The following LTBP1 variants were observed in gnomAD, a reference collection of about 807,000 sequenced individuals.
LTBP1 encodes latent-transforming growth factor beta-binding protein 1.
Under a neutral mutation model 207.6 loss-of-function variants are expected in LTBP1, and 129 were observed. That is an observed-to-expected ratio of 0.62 (90% CI 0.54 to 0.72). LTBP1 has a LOEUF of 0.72. LTBP1 is among the 30% of genes least tolerant of loss of function. The pLI is 0.00. For synonymous variants in LTBP1, 963 were observed against 833.7 expected (o/e 1.16, Z -2.67); for missense variants, 2,281 against 2,217.2 (o/e 1.03, Z -0.58).
chr2:33,347,960 A>T (rs186547017), intron 26 of LTBP1, among the ~76,000 whole-genome samples: 1 of 152,336 alleles, frequency 6.6e-6, no homozygotes, highest in Non-Finnish European at 1.5e-5. Flanking sequence ...TCCACTTGGA[A>T]TTCTTAAGGT....
chr2:32,981,769 C>A (rs1682796475), intron 2 of LTBP1, among the ~76,000 whole-genome samples: 1 of 152,068 alleles, frequency 6.6e-6, no homozygotes, highest in South Asian at 2.1e-4. Context: ...GAAAAAGTCT[C>A]ACAAGATCTG....
intron 2 of LTBP1, among the ~76,000 whole-genome samples, chr2:33,012,645 G>A (rs571303670): frequency 5.6e-4 from 86 of 152,246 alleles, no homozygotes; most frequent in African/African-American, 2.0e-3. Context: ...TCTTTTGTCT[G>A]CAGTTCTTGG....
At chr2:32,992,237 C>T (rs1684528457) in intron 2 of LTBP1, among the ~76,000 whole-genome samples, 1 of 152,138 alleles carries the variant, frequency 6.6e-6, no homozygotes, top group Non-Finnish European at 1.5e-5. Context: ...GAAAAGCACA[C>T]AGATTGATAC....
At chr2:33,253,881 C>CTTT (rs61042956) in intron 11 of LTBP1, among the ~76,000 whole-genome samples, 11 of 101,680 alleles carry the variant, frequency 1.1e-4, no homozygotes, top group Middle Eastern at 5.7e-3. Context: ...ATCTGATGCA[C>CTTT]TTTTTTTTTT....
chr2:33,357,516 C>A (rs570721686), intron 26 of LTBP1, among the ~76,000 whole-genome samples: 1 of 152,122 alleles, frequency 6.6e-6, no homozygotes, highest in Non-Finnish European at 1.5e-5. Flanking sequence ...GTTTTCTCTT[C>A]CGGGAAGTGA....
chr2:33,111,629 C>T (rs987209568), intron 4 of LTBP1, among the ~76,000 whole-genome samples: 1 of 152,180 alleles, frequency 6.6e-6, no homozygotes, highest in African/African-American at 2.4e-5. Context: ...GTTCCCTACA[C>T]CCACTCCACC....
intron 26 of LTBP1, among the ~76,000 whole-genome samples, chr2:33,354,676 AAAAC>A (rs2094831269): frequency 2.2e-5 from 3 of 136,862 alleles, no homozygotes; most frequent in Middle Eastern, 3.6e-3. Context: ...GTGACAAACT[AAAAC>A]TATACACACA....
intron 2 of LTBP1, among the ~76,000 whole-genome samples, chr2:33,018,570 T>C (rs896838612): frequency 2.0e-5 from 3 of 152,210 alleles, no homozygotes; most frequent in African/African-American, 7.2e-5. Context: ...TTCCCATTCC[T>C]GTGACATTCC....
chr2:32,986,548 AG>A (rs1683606850), intron 2 of LTBP1, among the ~76,000 whole-genome samples: 1 of 152,344 alleles, frequency 6.6e-6, no homozygotes, highest in Admixed American at 6.5e-5. Context: ...TCAGTGCACA[AG>A]GAAGATGTGG....
Position 33,364,315 on chromosome 2 carries a change from A to G in LTBP1, c.4499A>G (p.Asp1500Gly). The G allele has an allele frequency of 6.2e-7, 1 of 1,614,058 alleles. No individual in the cohort carries two copies. The highest frequency in any genetic ancestry group is 1.1e-5 in the South Asian group (1 of 91,062). Residue 1500 changes from aspartate (D) to glycine (G), a missense_variant, in exon 30 of 34, where the codon GAT (aspartate) becomes GGT (glycine). Coordinates refer to ENST00000404816, the MANE Select transcript of LTBP1 (RefSeq NM_206943.4). ...TTCTGTACTCACCCCATGGTCCTGG[A>G]TGCGTCAGAAAAAAGATGTATACGA... ...NCFCTHPMVLDASEKRCIRPA... is the reference protein window; with the variant it reads ...NCFCTHPMVLGASEKRCIRPA...
At chr2:33,327,306 C>G (rs888465343) in intron 24 of LTBP1, among the ~76,000 whole-genome samples, 1 of 152,162 alleles carries the variant, frequency 6.6e-6, no homozygotes, top group African/African-American at 2.4e-5. Context: ...AATTCCAAAG[C>G]CTGATGTCTT....
At chr2:32,953,996 G>T (rs1677631110) in intron 2 of LTBP1, among the ~76,000 whole-genome samples, 2 of 152,134 alleles carry the variant, frequency 1.3e-5, no homozygotes, top group African/African-American at 2.4e-5. Flanking sequence ...AACTTGTGTG[G>T]TGCTGTGGAG....
At chr2:33,128,151 T>C (rs1052201086) in intron 4 of LTBP1, among the ~76,000 whole-genome samples, 2 of 152,148 alleles carry the variant, frequency 1.3e-5, no homozygotes, top group African/African-American at 4.8e-5. Context: ...CCAGTAGATA[T>C]CTATCATTTA....
At chr2:33,299,787 A>G (rs964241441) in intron 20 of LTBP1, among the ~76,000 whole-genome samples, 2 of 152,252 alleles carry the variant, frequency 1.3e-5, no homozygotes, top group Non-Finnish European at 2.9e-5. Context: ...CTTCGTATAC[A>G]TGACATTTTC....
rs553399498 is a variant in LTBP1 at position 33,094,802 on chromosome 2, A to G, written c.864-15780A>G. Among the ~76,000 whole-genome samples the G allele has an allele frequency of 9.2e-5, 14 of 152,342 alleles. No homozygotes were observed. The South Asian group carries it at 2.7e-3, about 29-fold the overall frequency. ...TGCACTGCACATGGTTATAAACCCA[A>G]TGGCTTTCTGAGCTAATGTGCAAGG... is the stretch of plus-strand genomic sequence containing the variant. On this transcript the variant is annotated intron_variant, in intron 3 of 33. Coordinates refer to ENST00000404816, the MANE Select transcript of LTBP1 (RefSeq NM_206943.4).
intron 5 of LTBP1, among the ~76,000 whole-genome samples, chr2:33,149,223 A>AAAAAC: frequency 1.6e-5 from 2 of 128,468 alleles, no homozygotes; most frequent in African/African-American, 5.8e-5. Context: ...TCACTCACAA[A>AAAAAC]AAAACAAAAA....
Position 33,293,211 on chromosome 2 carries a change from A to G in LTBP1, c.3164A>G (p.Asn1055Ser). 3 of 1,614,076 alleles carry G rather than the reference A, an allele frequency of 1.9e-6. No individual in the cohort carries two copies. Among genetic ancestry groups the G allele is most frequent in the Non-Finnish European group, 1.7e-6 (2 of 1,179,984 alleles). The change falls in exon 20 of 34, where the codon AAC (asparagine) becomes AGC (serine). Residue 1055 changes from asparagine (N) to serine (S), a missense_variant. Around this residue, in one of 3 missense-constraint regions of LTBP1, gnomAD observed 1,671 missense variants for 1,634.8 expected, o/e 1.02. Transcript: ENST00000404816. ...GTCTGCGCAAATGGTGATTGTTCCAACCTTGAAGGCTCCTACATGTGTTCA... is the reference window on the plus strand; with the variant it reads ...GTCTGCGCAAATGGTGATTGTTCCAGCCTTGAAGGCTCCTACATGTGTTCA... The part of the protein sequence containing the change: ...PNVCANGDCS[N>S]LEGSYMCSCH...
At chr2:33,073,021 A>AGCC (rs1343943933) in intron 3 of LTBP1, among the ~76,000 whole-genome samples, 2 of 152,178 alleles carry the variant, frequency 1.3e-5, no homozygotes, top group Admixed American at 1.3e-4. Flanking sequence ...CCCTCCACAG[A>AGCC]GCCGGGCAAC....
chr2:33,288,198 A>C (rs6739030), intron 19 of LTBP1, among the ~76,000 whole-genome samples: 54,426 of 152,020 alleles, frequency 0.36, 10,580 homozygotes, highest in Admixed American at 0.42. Context: ...GAAGTAATAC[A>C]GGTAAATTAC....
Sources: allele counts gnomAD v4.1 joint callset (sites outside exome capture counted in the v4.1 genomes callset), GRCh38; gene constraint gnomAD v4.1.1; regional missense constraint gnomAD v4.1.1; transcripts MANE v1.5; gene names NCBI Gene and HGNC (gene_info 2026-07-23, HGNC 2026-07-21).